The following COMMD8 variants were observed in gnomAD, a reference collection of about 807,000 sequenced individuals.
The protein encoded by COMMD8 is COMM domain containing 8.
In COMMD8, 28 loss-of-function variants were observed where a neutral mutation model predicts 27.2. That is an observed-to-expected ratio of 1.03 (90% confidence interval 0.76 to 1.41). The LOEUF is 1.41. Among genes scored for constraint, COMMD8 ranks in the 40% most tolerant of loss-of-function variants. The probability of loss-of-function intolerance (pLI) is 0.00; values close to 1 mark genes in which losing one functional copy is unlikely to be tolerated. For missense variants in COMMD8, 217 were observed against 211.2 expected (o/e 1.03, Z -0.17); for synonymous variants, 79 against 75.5 (o/e 1.05, Z -0.24).
intron 3 of COMMD8, among the ~76,000 whole-genome samples, chr4:47,454,163 T>C (rs1024610300): frequency 6.6e-6 from 1 of 152,228 alleles, no homozygotes; most frequent in South Asian, 2.1e-4. Flanking sequence ...CCAATGATGA[T>C]GCATGTGCTA....
At chr4:47,457,526 T>C (rs1434011506) in intron 2 of COMMD8, among the ~76,000 whole-genome samples, 1 of 152,176 alleles carries the variant, frequency 6.6e-6, no homozygotes, top group East Asian at 1.9e-4. Context: ...ACCTGACAAC[T>C]GTACACATTA....
At chr4:47,457,932 T>TATA (rs1033887210) in intron 2 of COMMD8, among the ~76,000 whole-genome samples, 1 of 149,808 alleles carries the variant, frequency 6.7e-6, no homozygotes, top group African/African-American at 2.4e-5. Flanking sequence ...AAGAGATATA[T>TATA]AAAAAAAAAG....
intron 1 of COMMD8, among the ~76,000 whole-genome samples, chr4:47,461,637 T>C (rs1730027681): frequency 6.6e-6 from 1 of 152,172 alleles, no homozygotes; most frequent in Admixed American, 6.5e-5. Flanking sequence ...AATAAAGTCA[T>C]GGAAATGACC....
intron 2 of COMMD8, among the ~76,000 whole-genome samples, chr4:47,458,714 T>C (rs1318058966): frequency 6.6e-6 from 1 of 152,078 alleles, no homozygotes; most frequent in East Asian, 1.9e-4. Flanking sequence ...AAGGCACTCC[T>C]GAAGAAGCAT....
At chr4:47,455,026 T>C (rs1319729825) in intron 3 of COMMD8, among the ~76,000 whole-genome samples, 10 of 152,128 alleles carry the variant, frequency 6.6e-5, no homozygotes, top group Admixed American at 6.5e-4. Context: ...TTTATTTTTT[T>C]CTGAGACAGA....
chr4:47,456,478 C>A, intron 3 of COMMD8, 99 bp downstream of exon 3: 1 of 801,834 alleles, frequency 1.2e-6, no homozygotes, highest in Non-Finnish European at 1.8e-6. Flanking sequence ...TGGGATAATA[C>A]ATTCCCAAAA....
intron 2 of COMMD8, among the ~76,000 whole-genome samples, chr4:47,459,517 T>C (rs1729967836): frequency 6.6e-6 from 1 of 152,156 alleles, no homozygotes; most frequent in Admixed American, 6.5e-5. Context: ...GACTATTCAT[T>C]AGTCAGTAGG....
intron 3 of COMMD8, 33 bp from the exon 4 acceptor site, chr4:47,453,247 A>G (rs1286579056): frequency 1.3e-6 from 2 of 1,586,218 alleles, no homozygotes. Context: ...CAATTAATAA[A>G]TAGTAAAAAG....
chr4:47,461,196 T>C (rs1371572086), intron 1 of COMMD8, among the ~76,000 whole-genome samples: 1 of 152,240 alleles, frequency 6.6e-6, no homozygotes, highest in Non-Finnish European at 1.5e-5. Context: ...CTCCAATTCA[T>C]GCCTTCAGCA....
At chr4:47,455,070 G>A (rs1181633037) in intron 3 of COMMD8, among the ~76,000 whole-genome samples, 1 of 151,760 alleles carries the variant, frequency 6.6e-6, no homozygotes, top group African/African-American at 2.4e-5. Flanking sequence ...GAGTGAAGTG[G>A]CACGATGATC....
Position 47,463,631 on chromosome 4 carries a change from C to T in COMMD8, c.21G>A (p.Thr7=). 1.3e-6 allele frequency: 2 copies of T among 1,549,050 alleles called. No individual in the cohort carries two copies. The highest frequency in any genetic ancestry group is 2.4e-5 in the East Asian group (1 of 40,826). ...GCAGCTTCTGCAGCCGCCACAAGGG[C>T]GTCCCCTCTTCCGGCTCCATCCCTG... MEPEEG[T]PLWRLQKLPA... Residue 7 remains threonine, a synonymous_variant, in exon 1 of 5, where the codon ACG becomes ACA. Coordinates refer to ENST00000381571, the MANE Select transcript of COMMD8 (RefSeq NM_017845.5).
At chr4:47,460,464 C>T (rs570673795) in intron 1 of COMMD8, among the ~76,000 whole-genome samples, 165 bp from the exon 2 acceptor site, 1 of 152,206 alleles carries the variant, frequency 6.6e-6, no homozygotes, top group East Asian at 1.9e-4. Flanking sequence ...AAAATTAGAA[C>T]TCATAAAAAT....
At chr4:47,462,033 G>A (rs182454075) in intron 1 of COMMD8, among the ~76,000 whole-genome samples, 65 of 152,208 alleles carry the variant, frequency 4.3e-4, no homozygotes, top group African/African-American at 1.5e-3. Flanking sequence ...AGTTATTTTG[G>A]GGGGTGCCTA....
At chr4:47,454,679 G>A (rs560736992) in intron 3 of COMMD8, among the ~76,000 whole-genome samples, 10 of 151,884 alleles carry the variant, frequency 6.6e-5, no homozygotes, top group East Asian at 5.9e-4. Context: ...CAGCATGACC[G>A]ACATGGCAAA....
chr4:47,451,595 T>C lies in COMMD8; in HGVS notation c.*50A>G. 3 of 1,474,870 alleles carry C rather than the reference T, an allele frequency of 2.0e-6. No homozygotes were observed. The highest frequency in any genetic ancestry group is 2.8e-6 in the Non-Finnish European group (3 of 1,059,242). The allele number at this position is 1,474,870 out of a possible 1,614,324, so 91.4% of individuals were successfully genotyped here. Reference sequence around the variant, plus strand: ...TGAACACGCAGTATTCACTCTGCCATATAAGTTGGAGCAATAAAATCTGAT... The same window carrying C: ...TGAACACGCAGTATTCACTCTGCCACATAAGTTGGAGCAATAAAATCTGAT... On this transcript the variant is annotated 3_prime_UTR_variant, in exon 5 of 5. Transcript: ENST00000381571.
At chr4:47,453,411 A>AG (rs1158850210) in intron 3 of COMMD8, among the ~76,000 whole-genome samples, 197 bp from the exon 4 acceptor site, 1 of 152,178 alleles carries the variant, frequency 6.6e-6, no homozygotes, top group Non-Finnish European at 1.5e-5. Context: ...AATAAAGGAG[A>AG]GGAAATCGGT....
At position 47,456,825 on chromosome 4, in the gene COMMD8, G is replaced by T. The variant is rs186944064; in HGVS notation, c.223-96C>A. 15 of 824,342 alleles carry T rather than the reference G, an allele frequency of 1.8e-5. No homozygotes were observed. The East Asian group carries it at 3.9e-4, about 22-fold the overall frequency. The allele number at this position is 824,342 out of a possible 1,614,324, so 51.1% of individuals were successfully genotyped here. Reference sequence around the variant, plus strand: ...GCACACTTTTAAAGCAACAGTAAAAGAAAAAGAGAAATACTTCTGTAACTA... The same window carrying T: ...GCACACTTTTAAAGCAACAGTAAAATAAAAAGAGAAATACTTCTGTAACTA... On this transcript the variant is annotated intron_variant, in intron 2 of 4. Coordinates refer to ENST00000381571, the MANE Select transcript of COMMD8 (RefSeq NM_017845.5).
chr4:47,457,827 A>G (rs1729931883), intron 2 of COMMD8, among the ~76,000 whole-genome samples: 1 of 150,594 alleles, frequency 6.6e-6, no homozygotes, highest in South Asian at 2.1e-4. Flanking sequence ...TGACAATAGT[A>G]TTATAGGGAG....
Position 47,454,878 on chromosome 4 carries a change from A to C in COMMD8, c.376-1664T>G, listed in dbSNP as rs535718409. Among the ~76,000 whole-genome samples, 76 of 151,740 alleles carry C rather than the reference A, an allele frequency of 5.0e-4. 1 individual carries two copies. The highest frequency in any genetic ancestry group is 1.8e-3 in the African/African-American group (75 of 41,412). ...AAACTCCATCTCAAAAAAAAAAAAA[A>C]AAAAAAAAACAGAACTACGTTTCTA... is the stretch of plus-strand genomic sequence containing the variant. On this transcript the variant is annotated intron_variant, in intron 3 of 4. Transcript: ENST00000381571.
Sources: gnomAD v4.1 joint callset for allele counts (sites outside exome capture counted in the v4.1 genomes callset) on GRCh38, gnomAD v4.1.1 for gene constraint, MANE v1.5 for transcripts, NCBI Gene and HGNC (gene_info 2026-07-23, HGNC 2026-07-21) for gene names.